ZNF804A: variants seen among roughly 807,000 people sequenced by gnomAD.
ZNF804A encodes zinc finger protein 804A.
ZNF804A carries 2 observed loss-of-function variants against 16.5 expected under a neutral mutation model. The observed-to-expected ratio is 0.12, with a 90% CI of 0.05 to 0.38. The LOEUF is 0.38. Among genes scored for constraint, ZNF804A ranks in the 10% least tolerant of loss-of-function variants. The pLI, the probability that ZNF804A is intolerant of heterozygous loss-of-function variation, is 0.99. For synonymous variants in ZNF804A, 534 were observed against 489.6 expected (o/e 1.09, Z -1.20); for missense variants, 1,473 against 1,390.7 (o/e 1.06, Z -0.94).
At chr2:184,831,150 G>A (rs1053098566) in intron 1 of ZNF804A, among the ~76,000 whole-genome samples, 29 of 151,980 alleles carry the variant, frequency 1.9e-4, no homozygotes, top group Non-Finnish European at 2.9e-5. Flanking sequence ...TTCCCTTCCA[G>A]GTACAGCACC....
chr2:184,857,554 G>T (rs1695718010), intron 1 of ZNF804A, among the ~76,000 whole-genome samples: 1 of 152,014 alleles, frequency 6.6e-6, no homozygotes, highest in Admixed American at 6.6e-5. Flanking sequence ...TGAATGAACT[G>T]TCCATTGCTG....
chr2:184,738,363 TG>T (rs767895069), intron 1 of ZNF804A, among the ~76,000 whole-genome samples: 7 of 152,116 alleles, frequency 4.6e-5, no homozygotes, highest in Non-Finnish European at 1.0e-4. Context: ...AAAAAAAACA[TG>T]GACAATTAGA....
intron 1 of ZNF804A, among the ~76,000 whole-genome samples, chr2:184,769,244 G>C (rs1414482256): frequency 6.6e-6 from 1 of 152,016 alleles, no homozygotes; most frequent in African/African-American, 2.4e-5. Flanking sequence ...ACACACTGCT[G>C]TAAGTTATGA....
rs554886987 is a variant in ZNF804A at position 184,851,692 on chromosome 2, G to A, written c.112-14677G>A. On this transcript the variant is annotated intron_variant, in intron 1 of 3. Transcript: ENST00000302277. ...CAACATACCAATTTCATTTCTTTTG[G>A]ATATATTCCTAGCAGTGGGATTGCT... 1.1e-4 allele frequency among the ~76,000 whole-genome samples: 16 copies of A among 151,854 alleles called. No homozygotes were observed. The East Asian group carries it at 2.7e-3, about 26-fold the overall frequency.
intron 1 of ZNF804A, among the ~76,000 whole-genome samples, chr2:184,636,469 G>A (rs1178592807): frequency 6.9e-6 from 1 of 145,016 alleles, no homozygotes; most frequent in Admixed American, 6.9e-5. Context: ...GAGAGAGAGA[G>A]AGAGAGAGGT....
chr2:184,776,164 C>T (rs1017052543), intron 1 of ZNF804A, among the ~76,000 whole-genome samples: 2 of 151,242 alleles, frequency 1.3e-5, no homozygotes, highest in Non-Finnish European at 3.0e-5. Flanking sequence ...AAATAAAAAT[C>T]GAGGAAATAT....
At chr2:184,796,088 T>A (rs1020911665) in intron 1 of ZNF804A, among the ~76,000 whole-genome samples, 1 of 152,068 alleles carries the variant, frequency 6.6e-6, no homozygotes, top group African/African-American at 2.4e-5. Flanking sequence ...TGTTGGATTA[T>A]CTTTTTGATA....
intron 2 of ZNF804A, among the ~76,000 whole-genome samples, chr2:184,872,472 A>G (rs1015359373): frequency 6.6e-6 from 1 of 152,124 alleles, no homozygotes; most frequent in Non-Finnish European, 1.5e-5. Flanking sequence ...CTGGACTTGC[A>G]CCAATTTTGA....
chr2:184,606,840 CACACACACACACACAT>C (rs1553520284), intron 1 of ZNF804A, among the ~76,000 whole-genome samples: 6 of 151,800 alleles, frequency 4.0e-5, no homozygotes, highest in Non-Finnish European at 7.4e-5. Context: ...TCTACACACA[CACACACACACACACAT>C]ACACACACAC....
intron 1 of ZNF804A, among the ~76,000 whole-genome samples, chr2:184,684,882 A>C (rs549099465): frequency 6.6e-6 from 1 of 152,300 alleles, no homozygotes; most frequent in East Asian, 1.9e-4. Context: ...TGCAAAGGAC[A>C]TGATTTTATT....
chr2:184,621,646 T>G (rs1031139908), intron 1 of ZNF804A, among the ~76,000 whole-genome samples: 31 of 151,762 alleles, frequency 2.0e-4, no homozygotes, highest in Admixed American at 1.8e-3. Context: ...TACTGTTTAG[T>G]GCAGTGGTCT....
At chr2:184,776,513 T>C (rs1281839277) in intron 1 of ZNF804A, among the ~76,000 whole-genome samples, 9 of 151,276 alleles carry the variant, frequency 5.9e-5, no homozygotes, top group African/African-American at 9.7e-5. Context: ...TGTGTAAAAG[T>C]TAGTACTTCG....
intron 2 of ZNF804A, among the ~76,000 whole-genome samples, chr2:184,926,388 A>T (rs576610217): frequency 1.3e-5 from 2 of 151,394 alleles, no homozygotes; most frequent in Admixed American, 6.6e-5. Flanking sequence ...GGACCTCCAT[A>T]TTATATTATT....
chr2:184,931,774 G>A (rs6723392), intron 2 of ZNF804A, among the ~76,000 whole-genome samples: 79,644 of 151,992 alleles, frequency 0.52, 23,956 homozygotes, highest in East Asian at 0.83. Flanking sequence ...CTTTTCTATC[G>A]CATCATCAGG....
chr2:184,707,440 C>T (rs1693048509), intron 1 of ZNF804A, among the ~76,000 whole-genome samples: 1 of 152,062 alleles, frequency 6.6e-6, no homozygotes, highest in Non-Finnish European at 1.5e-5. Context: ...TCAAAGCTTG[C>T]CCCCTTCTCC....
chr2:184,936,812 T>A lies in ZNF804A; in HGVS notation c.1416T>A (p.Asn472Lys). The A allele has an allele frequency of 6.2e-7, 1 of 1,613,162 alleles. No individual in the cohort carries two copies. Among genetic ancestry groups the A allele is most frequent in the Non-Finnish European group, 8.5e-7 (1 of 1,179,662 alleles). ...TCAAGTCTACTAAAGTAAATAATAA[T>A]CTAGATAAAAATAAGCCAGACTTAA... ...FDFKSTKVNN[N>K]LDKNKPDLKD... The change falls in exon 4 of 4, where the codon AAT becomes AAA. Residue 472 changes from asparagine (N) to lysine (K), a missense_variant. Coordinates refer to ENST00000302277, the MANE Select transcript of ZNF804A (RefSeq NM_194250.2).
chr2:184,825,280 A>C (rs1005738760), intron 1 of ZNF804A, among the ~76,000 whole-genome samples: 5 of 152,204 alleles, frequency 3.3e-5, no homozygotes, highest in African/African-American at 1.2e-4. Flanking sequence ...AAGGGACTAA[A>C]CAGAATAAAC....
chr2:184,673,083 A>G (rs572020038), intron 1 of ZNF804A, among the ~76,000 whole-genome samples: 4 of 152,280 alleles, frequency 2.6e-5, no homozygotes. Context: ...TGAAGGAAAG[A>G]AAGGAGAAAA....
At chr2:184,762,265 CACCT>C in intron 1 of ZNF804A, among the ~76,000 whole-genome samples, 1 of 150,536 alleles carries the variant, frequency 6.6e-6, no homozygotes, top group Non-Finnish European at 1.5e-5. Flanking sequence ...TTTTATCAAG[CACCT>C]ACTATTTACT....
Sources: allele counts gnomAD v4.1 joint callset (sites outside exome capture counted in the v4.1 genomes callset), GRCh38; gene constraint gnomAD v4.1.1; transcripts MANE v1.5; gene names NCBI Gene and HGNC (gene_info 2026-07-23, HGNC 2026-07-21).